The following GPC5 variants were observed in gnomAD, a reference collection of about 807,000 sequenced individuals.
GPC5 encodes glypican-5.
GPC5 carries 47 observed loss-of-function variants against 53.9 expected under a neutral mutation model. That is an observed-to-expected ratio of 0.87 (90% CI 0.69 to 1.11). The LOEUF (loss-of-function observed/expected upper bound fraction) is 1.11. GPC5 is among the 50% of genes most tolerant of loss of function. The pLI, the probability that GPC5 is intolerant of heterozygous loss-of-function variation, is 0.00. For missense variants in GPC5, 748 were observed against 713.1 expected (o/e 1.05, Z -0.56); for synonymous variants, 286 against 263.3 (o/e 1.09, Z -0.84).
chr13:92,565,517 T>C (rs1369857836), intron 7 of GPC5, among the ~76,000 whole-genome samples: 1 of 152,090 alleles, frequency 6.6e-6, no homozygotes, highest in East Asian at 1.9e-4. Flanking sequence ...CAAAGTGTTG[T>C]GAGCAAGGGT....
At chr13:91,907,536 A>G (rs2039567630) in intron 5 of GPC5, among the ~76,000 whole-genome samples, 1 of 138,486 alleles carries the variant, frequency 7.2e-6, no homozygotes, top group Non-Finnish European at 1.5e-5. Flanking sequence ...GTATATATGT[A>G]GTAGCCTAAT....
At chr13:92,452,902 CACAGAAAGCTAAT>C (rs1878122723) in intron 7 of GPC5, among the ~76,000 whole-genome samples, 1 of 152,126 alleles carries the variant, frequency 6.6e-6, no homozygotes, top group South Asian at 2.1e-4. Flanking sequence ...AGAAAACTAG[CACAGAAAGCTAAT>C]TCCCAGCTAC....
intron 5 of GPC5, among the ~76,000 whole-genome samples, chr13:91,888,491 G>A (rs949334853): frequency 2.6e-5 from 4 of 152,122 alleles, no homozygotes; most frequent in African/African-American, 7.2e-5. Context: ...AGGTTGATAC[G>A]CACAGCTTCT....
chr13:91,434,559 A>G (rs1323745159), intron 1 of GPC5, among the ~76,000 whole-genome samples: 1 of 152,098 alleles, frequency 6.6e-6, no homozygotes, highest in Non-Finnish European at 1.5e-5. Flanking sequence ...CCATTGGTCT[A>G]TATCTCTGTT....
intron 4 of GPC5, among the ~76,000 whole-genome samples, chr13:91,745,717 A>G (rs1476516132): frequency 6.6e-6 from 1 of 152,016 alleles, no homozygotes; most frequent in Non-Finnish European, 1.5e-5. Context: ...CAGACTTAAC[A>G]ACTTGCTCTT....
intron 1 of GPC5, among the ~76,000 whole-genome samples, chr13:91,409,809 G>T (rs1251977889): frequency 6.6e-6 from 1 of 152,056 alleles, no homozygotes; most frequent in Admixed American, 6.5e-5. Context: ...CCCATCACCT[G>T]GTTACTTAGC....
chr13:91,436,426 G>A (rs1879965805), intron 1 of GPC5, among the ~76,000 whole-genome samples: 2 of 152,142 alleles, frequency 1.3e-5, no homozygotes, highest in African/African-American at 4.8e-5. Context: ...CTTTATTTCT[G>A]CCTTCATTTC....
chr13:91,422,899 C>T (rs540052848), intron 1 of GPC5, among the ~76,000 whole-genome samples: 129 of 152,270 alleles, frequency 8.5e-4, no homozygotes, highest in African/African-American at 3.1e-3. Flanking sequence ...GCTCTCATGA[C>T]CTAGTCACCT....
rs548333724 is a variant in GPC5 at position 91,478,106 on chromosome 13, G to T, written c.325+29184G>T. Among the ~76,000 whole-genome samples the T allele has an allele frequency of 5.4e-5, 8 of 147,608 alleles. No individual in the cohort carries two copies. In the South Asian group the frequency reaches 1.5e-3, roughly 28 times the overall value. ...ACCTTTCATATGAAAATTGTCGTTA[G>T]TTTTTTTTTTGTTTTGCTTCACTGT... is the stretch of plus-strand genomic sequence containing the variant. On this transcript the variant is annotated intron_variant, in intron 2 of 7. Transcript: ENST00000377067.
chr13:92,359,263 A>C (rs533151315), intron 7 of GPC5, among the ~76,000 whole-genome samples: 1 of 151,672 alleles, frequency 6.6e-6, no homozygotes, highest in East Asian at 1.9e-4. Context: ...TTGCTAAAGC[A>C]TAGCAGGAAT....
At chr13:91,952,244 G>T (rs2040033882) in intron 6 of GPC5, among the ~76,000 whole-genome samples, 1 of 151,942 alleles carries the variant, frequency 6.6e-6, no homozygotes, top group Non-Finnish European at 1.5e-5. Context: ...AGGCACTGCA[G>T]TGGTTACTTT....
chr13:92,543,749 C>T (rs1882007833), intron 7 of GPC5, among the ~76,000 whole-genome samples: 1 of 151,924 alleles, frequency 6.6e-6, no homozygotes, highest in Non-Finnish European at 1.5e-5. Flanking sequence ...GCAAGGAAGA[C>T]TAAAATTTTT....
At chr13:92,001,887 T>C (rs1315758560) in intron 6 of GPC5, among the ~76,000 whole-genome samples, 1 of 152,222 alleles carries the variant, frequency 6.6e-6, no homozygotes, top group Admixed American at 6.5e-5. Context: ...ATTCTCATTT[T>C]TAGTTTTGAC....
intron 7 of GPC5, among the ~76,000 whole-genome samples, chr13:92,656,554 G>A (rs1240109639): frequency 6.6e-6 from 1 of 152,132 alleles, no homozygotes. Context: ...CAGATTTTCT[G>A]TTATTTACAT....
intron 4 of GPC5, among the ~76,000 whole-genome samples, chr13:91,751,359 A>G (rs761451140): frequency 1.3e-5 from 2 of 152,220 alleles, no homozygotes; most frequent in Non-Finnish European, 2.9e-5. Context: ...GTGAGAGACT[A>G]AGTTATGATG....
chr13:92,125,720 A>G (rs1023869603), intron 6 of GPC5, among the ~76,000 whole-genome samples: 2 of 152,130 alleles, frequency 1.3e-5, no homozygotes, highest in Non-Finnish European at 2.9e-5. Context: ...GTAAGACACT[A>G]TGTTATCTGT....
At chr13:92,088,894 G>C (rs1343935073) in intron 6 of GPC5, among the ~76,000 whole-genome samples, 1 of 152,264 alleles carries the variant, frequency 6.6e-6, no homozygotes. Flanking sequence ...CAATGTGATA[G>C]CATAGTGCAA....
intron 5 of GPC5, among the ~76,000 whole-genome samples, chr13:91,830,459 G>A (rs746284426): frequency 8.6e-5 from 13 of 152,030 alleles, no homozygotes; most frequent in Non-Finnish European, 1.8e-4. Flanking sequence ...ACAGGATTAG[G>A]AGATTAAAGT....
chr13:92,282,004 G>A (rs920325786), intron 7 of GPC5, among the ~76,000 whole-genome samples: 2 of 152,112 alleles, frequency 1.3e-5, no homozygotes, highest in Non-Finnish European at 2.9e-5. Context: ...CTTGAAAAAA[G>A]ATTAGACAAA....
Sources: gnomAD v4.1 joint callset for allele counts (sites outside exome capture counted in the v4.1 genomes callset) on GRCh38, gnomAD v4.1.1 for gene constraint, MANE v1.5 for transcripts, NCBI Gene and HGNC (gene_info 2026-07-23, HGNC 2026-07-21) for gene names.